DAPK1: variants seen among roughly 807,000 people sequenced by gnomAD.
The protein encoded by DAPK1 is death-associated protein kinase 1.
DAPK1 carries 56 observed loss-of-function variants against 144.9 expected under a neutral mutation model. That is an observed-to-expected ratio of 0.39 (90% CI 0.31 to 0.48). The LOEUF (loss-of-function observed/expected upper bound fraction) is 0.48. Ranked by LOEUF, DAPK1 falls within the 20% of genes least tolerant of loss-of-function variation. DAPK1 has a pLI of 0.95. For synonymous variants in DAPK1, 690 were observed against 749.0 expected (o/e 0.92, Z 1.29); for missense variants, 1,454 against 1,875.4 (o/e 0.78, Z 4.15).
intron 2 of DAPK1, among the ~76,000 whole-genome samples, chr9:87,543,834 G>T (rs1402676519): frequency 7.9e-5 from 12 of 152,038 alleles, no homozygotes; most frequent in Non-Finnish European, 1.5e-4. Context: ...TTGTAGTCTT[G>T]TGTGTTTGGA....
At position 87,582,557 on chromosome 9, in the gene DAPK1, C is replaced by CTTTTTTTTTTTTTTTTTTTTTTTTT. The variant is rs10659497; in HGVS notation, c.63-22382_63-22381insTTTTTTTTTTTTTTTTTTTTTTTTT. Among the ~76,000 whole-genome samples, 4 of 139,500 alleles carry CTTTTTTTTTTTTTTTTTTTTTTTTT rather than the reference C, an allele frequency of 2.9e-5. 2 individuals are homozygous for CTTTTTTTTTTTTTTTTTTTTTTTTT. The highest frequency in any genetic ancestry group is 3.1e-5 in the Non-Finnish European group (2 of 64,842). 91.5% of individuals were successfully genotyped at this position (139,500 alleles called of 152,430 possible). The stretch of plus-strand genomic sequence containing the variant: ...TGGTCACACTTTGCCAATTTTCCTG[C>CTTTTTTTTTTTTTTTTTTTTTTTTT]TTTTTTTTTTTTTTTGAGATGGAAT... On this transcript the variant is annotated intron_variant, in intron 2 of 25. Coordinates refer to ENST00000408954, the MANE Select transcript of DAPK1 (RefSeq NM_004938.4).
chr9:87,533,459 C>T (rs2118381073), intron 2 of DAPK1, among the ~76,000 whole-genome samples: 1 of 152,312 alleles, frequency 6.6e-6, no homozygotes, highest in South Asian at 2.1e-4. Context: ...CTCAGGCCAA[C>T]TCAGGCTGGA....
At chr9:87,627,717 G>A (rs894675995) in intron 3 of DAPK1, among the ~76,000 whole-genome samples, 2 of 152,180 alleles carry the variant, frequency 1.3e-5, no homozygotes, top group Admixed American at 1.3e-4. Flanking sequence ...CCACAGGAGT[G>A]TGGGCCTTAT....
rs1830845134 is a variant in DAPK1, at chr9:87,661,457, C to T, written c.1923+3330C>T. 2.0e-5 allele frequency among the ~76,000 whole-genome samples: 3 copies of T among 152,122 alleles called. No individual in the cohort carries two copies. The South Asian group carries it at 6.2e-4, about 32-fold the overall frequency. Reference sequence around the variant, plus strand: ...TACCCACCAACAATGTATAAAAGTTCCCCTTTCTCTGCATCCTCTCCAACA... The same window carrying T: ...TACCCACCAACAATGTATAAAAGTTTCCCTTTCTCTGCATCCTCTCCAACA... On this transcript the variant is annotated intron_variant, in intron 18 of 25. Transcript: ENST00000408954.
intron 18 of DAPK1, among the ~76,000 whole-genome samples, chr9:87,662,560 GTTTTTTTTTTT>G (rs71507734): frequency 3.1e-5 from 1 of 32,154 alleles, no homozygotes; most frequent in African/African-American, 1.5e-4. Flanking sequence ...TATATTCCTA[GTTTTTTTTTTT>G]TTTTTTTTTT....
In DAPK1 at chr9:87,707,579, G is replaced by A; in HGVS notation, c.*215G>A. 1 of 585,520 alleles carries A rather than the reference G, an allele frequency of 1.7e-6. No individual in the cohort carries two copies. The highest frequency in any genetic ancestry group is 3.0e-6 in the Non-Finnish European group (1 of 330,622). 36.3% of individuals were successfully genotyped at this position (585,520 alleles called of 1,614,324 possible). On this transcript the variant is annotated 3_prime_UTR_variant, in exon 26 of 26. Transcript: ENST00000408954. The surrounding 1 kb of genome is among the most constrained non-coding windows in gnomAD (Gnocchi z 4.0). ...GGATGGTCATTGCAGTTTAAGAGCAGAACAGATCTTTTACTTTGGCCGCTT... is the reference window on the plus strand; with the variant it reads ...GGATGGTCATTGCAGTTTAAGAGCAAAACAGATCTTTTACTTTGGCCGCTT...
rs150614594 is a variant in DAPK1, at chr9:87,590,086, G to A, written c.63-14868G>A. Reference sequence around the variant, plus strand: ...ATCAGATCAAAAGTTGATTCTTGACGTTTTCTAGGAATTAATAAGCCAATT... The same window carrying A: ...ATCAGATCAAAAGTTGATTCTTGACATTTTCTAGGAATTAATAAGCCAATT... On this transcript the variant is annotated intron_variant, in intron 2 of 25. Transcript: ENST00000408954. Among the ~76,000 whole-genome samples the A allele has an allele frequency of 2.0e-3, 301 of 152,176 alleles. 5 individuals carry two copies. The highest frequency in any genetic ancestry group is 6.9e-3 in the African/African-American group (287 of 41,528).
chr9:87,525,530 A>G (rs1305519870), intron 2 of DAPK1: 16 of 1,092,358 alleles, frequency 1.5e-5, no homozygotes, highest in Middle Eastern at 5.8e-4. Context: ...AAACCATGAT[A>G]GTTCTTTGTA....
rs373247895 is a variant in DAPK1 at position 87,605,184 on chromosome 9, C to T, written c.284+9C>T. On this transcript the variant is annotated intron_variant, in intron 3 of 25. Transcript: ENST00000408954. ...ATCCTGATCTTGGAACTGTGAGTGCCGCCTGGGCCAGGCTGGGGAGAGGGT... is the reference window on the plus strand; with the variant it reads ...ATCCTGATCTTGGAACTGTGAGTGCTGCCTGGGCCAGGCTGGGGAGAGGGT... The T allele has an allele frequency of 1.9e-5, 30 of 1,607,344 alleles. No homozygotes were observed. The South Asian group carries it at 2.0e-4, about 11-fold the overall frequency.
At chr9:87,660,336 C>A (rs1367532798) in intron 18 of DAPK1, among the ~76,000 whole-genome samples, 1 of 152,046 alleles carries the variant, frequency 6.6e-6, no homozygotes, top group Non-Finnish European at 1.5e-5. Flanking sequence ...GGGCGTCGCC[C>A]TCAGAAACGT....
intron 2 of DAPK1, among the ~76,000 whole-genome samples, chr9:87,534,633 C>G (rs1180430981): frequency 6.7e-6 from 1 of 149,782 alleles, no homozygotes; most frequent in Admixed American, 6.7e-5. Flanking sequence ...GTGAGGTGTC[C>G]TTTCTTGATT....
Position 87,707,350 on chromosome 9 carries a change from G to T in DAPK1, c.4279G>T (p.Val1427Phe). 6.2e-7 allele frequency: 1 copy of T among 1,602,918 alleles called. No individual in the cohort carries two copies. The highest frequency in any genetic ancestry group is 8.5e-7 in the Non-Finnish European group (1 of 1,172,768). ...SGTSYNSISS[V>F]VSR The stretch of plus-strand genomic sequence containing the variant: ...CACCTCTTACAATTCCATTAGCTCT[G>T]TTGTATCCCGGTGAGGGCAGCCTCT... The change falls in exon 26 of 26, where the codon GTT becomes TTT. Residue 1427 changes from valine to phenylalanine, a missense_variant. Val to Phe is a conservative substitution (Grantham distance 50). Around this residue, in one of 2 missense-constraint regions of DAPK1, gnomAD observed 1,025 missense variants for 1,237.9 expected, o/e 0.83. Coordinates refer to ENST00000408954, the MANE Select transcript of DAPK1 (RefSeq NM_004938.4). The surrounding 1 kb of genome is among the most constrained non-coding windows in gnomAD (Gnocchi z 4.0).
At chr9:87,529,161 G>A (rs759476940) in intron 2 of DAPK1, among the ~76,000 whole-genome samples, 1 of 152,136 alleles carries the variant, frequency 6.6e-6, no homozygotes, top group Non-Finnish European at 1.5e-5. Flanking sequence ...ATGTTAAACC[G>A]CGTACTTGAT....
chr9:87,631,745 T>G (rs1280969694), intron 3 of DAPK1, among the ~76,000 whole-genome samples: 1 of 152,238 alleles, frequency 6.6e-6, no homozygotes, highest in Non-Finnish European at 1.5e-5. Context: ...ATGGTGAGCA[T>G]TTGAGTTCTG....
Position 87,499,065 on chromosome 9 carries a change from G to C in DAPK1, c.-13G>C, listed in dbSNP as rs1277208152. 6.2e-7 allele frequency: 1 copy of C among 1,613,804 alleles called. No homozygotes were observed. The highest frequency in any genetic ancestry group is 2.2e-5 in the East Asian group (1 of 44,892). On this transcript the variant is annotated 5_prime_UTR_variant, in exon 2 of 26. Transcript: ENST00000408954. Reference sequence around the variant, plus strand: ...GAAGTGCCCTGGGCTTTGGTGAGGCGTGACAGTTTATCATGACCGTGTTCA... The same window carrying C: ...GAAGTGCCCTGGGCTTTGGTGAGGCCTGACAGTTTATCATGACCGTGTTCA...
chr9:87,567,775 G>T (rs928764471), intron 2 of DAPK1, among the ~76,000 whole-genome samples: 4 of 152,076 alleles, frequency 2.6e-5, no homozygotes, highest in Admixed American at 1.3e-4. Context: ...CACCCCACCG[G>T]ACCTCCCTCC....
intron 2 of DAPK1, among the ~76,000 whole-genome samples, chr9:87,571,468 C>CCCCA (rs1292783601): frequency 0.036 from 2,044 of 56,466 alleles, 274 homozygotes; most frequent in East Asian, 0.23. Context: ...CACACACACA[C>CCCCA]ACACACCAAC....
chr9:87,557,615 A>G (rs563298870), intron 2 of DAPK1, among the ~76,000 whole-genome samples: 5 of 152,286 alleles, frequency 3.3e-5, no homozygotes, highest in Non-Finnish European at 7.4e-5. Flanking sequence ...GAAGTGATCC[A>G]TTAAAAGAAA....
At position 87,641,942 on chromosome 9, in the gene DAPK1, AT is replaced by A. The variant is rs1285229034; in HGVS notation, c.829-19del. 4.4e-6 allele frequency: 7 copies of A among 1,577,436 alleles called. No homozygotes were observed. The South Asian group carries it at 4.6e-5, about 10-fold the overall frequency. On this transcript the variant is annotated intron_variant, in intron 9 of 25. Transcript: ENST00000408954. ...ACATTTTCATAATTTGAGAGCTTTA[AT>A]TTTTTTTCTTGGATTTTTATTTTAG...
Sources: allele counts gnomAD v4.1 joint callset (sites outside exome capture counted in the v4.1 genomes callset), GRCh38; gene constraint gnomAD v4.1.1; regional missense constraint gnomAD v4.1.1; non-coding constraint Gnocchi (gnomAD v3.1); transcripts MANE v1.5; gene names NCBI Gene and HGNC (gene_info 2026-07-23, HGNC 2026-07-21).